The following EYS variants were observed in gnomAD, a reference collection of about 807,000 sequenced individuals.
EYS encodes EGF-like photoreceptor maintenance factor.
In EYS, 250 loss-of-function variants were observed where a neutral mutation model predicts 282.1. The ratio of observed to expected loss-of-function variants is 0.89; its 90% CI spans 0.80 to 0.98. The LOEUF (loss-of-function observed/expected upper bound fraction) is 0.98, where lower values mean the gene tolerates loss of function less well. Ranked by LOEUF, EYS falls within the 50% of genes least tolerant of loss-of-function variation. The pLI is 0.00. For synonymous variants in EYS, 1,355 were observed against 1,282.9 expected, an observed-to-expected ratio of 1.06 and a Z score of -1.20; for missense variants, 4,016 against 3,709.0, an observed-to-expected ratio of 1.08 and a Z score of -2.15.
At chr6:65,490,366 T>C in intron 5 of EYS, 1 of 372,086 alleles carries the variant, frequency 2.7e-6, no homozygotes, top group Non-Finnish European at 4.9e-6. Context: ...GAAAAGCATG[T>C]GAACTGTTGT....
chr6:65,504,426 G>A (rs917134990), intron 2 of EYS, among the ~76,000 whole-genome samples: 3 of 151,540 alleles, frequency 2.0e-5, no homozygotes, highest in African/African-American at 7.3e-5. Context: ...GTACTAGCTA[G>A]AATTTCCTAG....
chr6:64,778,419 G>T (rs1273470701), intron 22 of EYS, among the ~76,000 whole-genome samples: 1 of 152,138 alleles, frequency 6.6e-6, no homozygotes, highest in African/African-American at 2.4e-5. Flanking sequence ...ATCCATCAGG[G>T]TTATGCAAAC....
intron 2 of EYS, among the ~76,000 whole-genome samples, chr6:65,563,394 T>C (rs1769139092): frequency 6.6e-6 from 1 of 152,108 alleles, no homozygotes; most frequent in Admixed American, 6.6e-5. Context: ...AAAATTAATA[T>C]AAAACTATGT....
intron 29 of EYS, among the ~76,000 whole-genome samples, chr6:64,357,204 C>G (rs2150406624): frequency 6.6e-6 from 1 of 151,698 alleles, no homozygotes; most frequent in South Asian, 2.1e-4. Context: ...TGAATTCAGA[C>G]TCTGGTCATT....
intron 31 of EYS, among the ~76,000 whole-genome samples, chr6:64,136,186 A>C (rs1019116708): frequency 1.3e-5 from 2 of 151,788 alleles, no homozygotes; most frequent in African/African-American, 4.8e-5. Flanking sequence ...CTTAAGGAAC[A>C]ACTTCGTATC....
chr6:65,619,690 T>G (rs1766388309), intron 2 of EYS, among the ~76,000 whole-genome samples: 1 of 151,474 alleles, frequency 6.6e-6, no homozygotes, highest in African/African-American at 2.4e-5. Context: ...GGCTGTGGGT[T>G]TGTCATAGAT....
At chr6:64,815,197 C>A in intron 21 of EYS, 1 of 446,532 alleles carries the variant, frequency 2.2e-6, no homozygotes, top group Non-Finnish European at 4.5e-6. Flanking sequence ...ATAAACAAAT[C>A]CTTTGATATT....
In EYS at chr6:65,047,074, G is replaced by A. The variant is rs578025136; in HGVS notation, c.2137+10540C>T. Among the ~76,000 whole-genome samples the A allele has an allele frequency of 1.8e-4, 27 of 151,340 alleles. No homozygotes were observed. The South Asian group carries it at 4.0e-3, about 22-fold the overall frequency. ...CAGCCATCCCTCCTGTACAGCCTGC[G>A]GAACTATGAGTCAATTAAACCTCTT... On this transcript the variant is annotated intron_variant, in intron 13 of 42. Transcript: ENST00000503581.
intron 31 of EYS, among the ~76,000 whole-genome samples, chr6:64,204,600 C>T (rs1765562747): frequency 6.6e-6 from 1 of 152,078 alleles, no homozygotes; most frequent in Non-Finnish European, 1.5e-5. Flanking sequence ...GTAGTACATA[C>T]ACACTATATA....
chr6:63,983,712 T>C (rs923997041), intron 35 of EYS, among the ~76,000 whole-genome samples: 3 of 151,820 alleles, frequency 2.0e-5, no homozygotes, highest in African/African-American at 7.2e-5. Context: ...CTGTCATTAT[T>C]TGTAGCTCCA....
intron 12 of EYS, among the ~76,000 whole-genome samples, chr6:65,289,520 A>G (rs1768464170): frequency 6.6e-6 from 1 of 151,112 alleles, no homozygotes; most frequent in African/African-American, 2.4e-5. Flanking sequence ...TTTCGGAAAA[A>G]TGTATTCAGA....
intron 36 of EYS, among the ~76,000 whole-genome samples, chr6:63,832,374 A>T (rs1771666773): frequency 6.6e-6 from 1 of 152,200 alleles, no homozygotes. Flanking sequence ...ATAAAAAATG[A>T]TGAAGGGGAT....
chr6:64,757,918 G>A (rs951248307), intron 22 of EYS, among the ~76,000 whole-genome samples: 5 of 152,070 alleles, frequency 3.3e-5, no homozygotes, highest in African/African-American at 9.7e-5. Context: ...CTGAGTAGCT[G>A]GGACTACAGG....
chr6:64,099,883 T>C (rs2150258284), intron 31 of EYS, among the ~76,000 whole-genome samples: 1 of 152,334 alleles, frequency 6.6e-6, no homozygotes, highest in East Asian at 1.9e-4. Context: ...TTCTGTATGA[T>C]TTTCAACTCA....
intron 19 of EYS, among the ~76,000 whole-genome samples, chr6:64,868,494 A>G (rs930126104): frequency 5.9e-5 from 9 of 151,518 alleles, no homozygotes; most frequent in Admixed American, 4.0e-4. Context: ...TATTCAATTA[A>G]CTATGAATTA....
At chr6:65,523,096 G>T (rs952926096) in intron 2 of EYS, among the ~76,000 whole-genome samples, 1 of 151,994 alleles carries the variant, frequency 6.6e-6, no homozygotes, top group African/African-American at 2.4e-5. Context: ...GTCATGACAT[G>T]CAAACCCCAA....
chr6:64,712,015 C>G lies in EYS; in HGVS notation c.3444-85770G>C, dbSNP rs76675661. Reference sequence around the variant, plus strand: ...GGGGATTGATAAGAGGAAAGTGCACCGAACCCAGAGGACAAGTTCTCAATC... The same window carrying G: ...GGGGATTGATAAGAGGAAAGTGCACGGAACCCAGAGGACAAGTTCTCAATC... On this transcript the variant is annotated intron_variant, in intron 22 of 42. Coordinates refer to ENST00000503581, the MANE Select transcript of EYS (RefSeq NM_001142800.2). 8.3e-3 allele frequency among the ~76,000 whole-genome samples: 1,256 copies of G among 152,214 alleles called. 15 individuals carry two copies. The highest frequency in any genetic ancestry group is 0.024 in the Middle Eastern group (7 of 294).
intron 26 of EYS, among the ~76,000 whole-genome samples, chr6:64,456,019 T>C (rs1424372731): frequency 6.6e-6 from 1 of 152,178 alleles, no homozygotes; most frequent in Non-Finnish European, 1.5e-5. Context: ...AATTTATATT[T>C]AGGATATTTG....
At chr6:64,059,093 A>G (rs1771078470) in intron 33 of EYS, among the ~76,000 whole-genome samples, 1 of 152,130 alleles carries the variant, frequency 6.6e-6, no homozygotes, top group South Asian at 2.1e-4. Flanking sequence ...TGAGCATGTT[A>G]TTATCTACAC....
Sources: allele counts gnomAD v4.1 joint callset (sites outside exome capture counted in the v4.1 genomes callset), GRCh38; gene constraint gnomAD v4.1.1; transcripts MANE v1.5; gene names NCBI Gene and HGNC (gene_info 2026-07-23, HGNC 2026-07-21).